SMC5: variants seen among roughly 807,000 people sequenced by gnomAD.
SMC5 encodes the protein structural maintenance of chromosomes protein 5.
Under a neutral mutation model 148.3 loss-of-function variants are expected in SMC5, and 88 were observed. The ratio of observed to expected loss-of-function variants is 0.59; its 90% CI spans 0.50 to 0.71. The LOEUF is 0.71. Among genes scored for constraint, SMC5 ranks in the 30% least tolerant of loss-of-function variants. SMC5 has a pLI of 0.00. For missense variants in SMC5, 1,142 were observed against 1,298.9 expected, an observed-to-expected ratio of 0.88 and a Z score of 1.86; for synonymous variants, 421 against 432.8, an observed-to-expected ratio of 0.97 and a Z score of 0.34.
intron 8 of SMC5, among the ~76,000 whole-genome samples, chr9:70,290,585 G>A (rs1280886645): frequency 9.2e-5 from 14 of 152,006 alleles, no homozygotes; most frequent in Admixed American, 7.2e-4. Context: ...TTACCTTTGC[G>A]GGTTCTCTTG....
In SMC5 at chr9:70,354,027, C is replaced by T. The variant is rs750547937; in HGVS notation, c.*1696C>T. On this transcript the variant is annotated 3_prime_UTR_variant, in exon 25 of 25. Coordinates refer to ENST00000361138, the MANE Select transcript of SMC5 (RefSeq NM_015110.4). ...TGTTTGAAAATAAAATGGTCAATTACATTTCAATTTACATAGGCCAACAAC... is the reference window on the plus strand; with the variant it reads ...TGTTTGAAAATAAAATGGTCAATTATATTTCAATTTACATAGGCCAACAAC... 6 of 152,206 alleles carry T rather than the reference C, an allele frequency of 3.9e-5. No homozygotes were observed. Among genetic ancestry groups the T allele is most frequent in the Non-Finnish European group, 5.9e-5 (4 of 68,034 alleles). The allele number at this position is 152,206 out of a possible 1,614,324, so 9.4% of individuals were successfully genotyped here.
intron 17 of SMC5, among the ~76,000 whole-genome samples, chr9:70,333,502 G>A (rs2036277489): frequency 6.6e-6 from 1 of 152,040 alleles, no homozygotes; most frequent in Admixed American, 6.5e-5. Context: ...AGGCCGAGGT[G>A]GCCAGATAAT....
At chr9:70,294,012 A>C (rs1049155089) in intron 8 of SMC5, among the ~76,000 whole-genome samples, 1 of 152,166 alleles carries the variant, frequency 6.6e-6, no homozygotes, top group Non-Finnish European at 1.5e-5. Flanking sequence ...ATTTCTCTGG[A>C]GTAGCCTTGG....
At chr9:70,289,393 A>G (rs373750370) in intron 8 of SMC5, among the ~76,000 whole-genome samples, 34 of 151,818 alleles carry the variant, frequency 2.2e-4, no homozygotes, top group African/African-American at 7.5e-4. Context: ...AGGTTTGTCT[A>G]TTTTTCCTTG....
At chr9:70,304,926 G>A (rs547463086) in intron 10 of SMC5, among the ~76,000 whole-genome samples, 2 of 152,082 alleles carry the variant, frequency 1.3e-5, no homozygotes, top group South Asian at 2.1e-4. Context: ...GATAAGAAAT[G>A]TTTACACTCA....
At chr9:70,267,721 ATAT>A (rs1366910706) in intron 2 of SMC5, among the ~76,000 whole-genome samples, 199 bp from the exon 3 acceptor site, 2 of 152,268 alleles carry the variant, frequency 1.3e-5, no homozygotes, top group African/African-American at 2.4e-5. Context: ...ATCTTACCTA[ATAT>A]TATTATTGTT....
At chr9:70,341,661 A>G (rs909648613) in intron 17 of SMC5, among the ~76,000 whole-genome samples, 6 of 152,228 alleles carry the variant, frequency 3.9e-5, no homozygotes, top group African/African-American at 9.7e-5. Flanking sequence ...ACCCATGTGC[A>G]TAAAAGTCAC....
intron 4 of SMC5, among the ~76,000 whole-genome samples, chr9:70,277,747 T>C (rs957692424): frequency 1.8e-4 from 28 of 152,056 alleles, no homozygotes; most frequent in Non-Finnish European, 3.8e-4. Context: ...TGTGCTTCTA[T>C]TTGTAGAACC....
intron 17 of SMC5, among the ~76,000 whole-genome samples, chr9:70,342,717 G>A (rs532275942): frequency 6.6e-6 from 1 of 152,294 alleles, no homozygotes; most frequent in East Asian, 1.9e-4. Context: ...ACCTACAGAA[G>A]ACATTTAGTA....
intron 17 of SMC5, among the ~76,000 whole-genome samples, chr9:70,331,966 A>T (rs1231996157): frequency 1.3e-5 from 2 of 152,166 alleles, no homozygotes; most frequent in African/African-American, 4.8e-5. Flanking sequence ...TGCACGTAGC[A>T]TGACAGAATA....
At position 70,300,340 on chromosome 9, in the gene SMC5, C is replaced by T. The variant is rs1156792610; in HGVS notation, c.1464+140C>T. 5 of 679,694 alleles carry T rather than the reference C, an allele frequency of 7.4e-6. No individual in the cohort carries two copies. In the East Asian group the frequency reaches 1.3e-4, roughly 18 times the overall value. The allele number at this position is 679,694 out of a possible 1,614,324, so 42.1% of individuals were successfully genotyped here. A position where few individuals can be genotyped will look rare whatever the true frequency, so the allele number is the denominator to read the frequency against. On this transcript the variant is annotated intron_variant, in intron 10 of 24. Coordinates refer to ENST00000361138, the MANE Select transcript of SMC5 (RefSeq NM_015110.4). ...CATCTGGCATACTGCTGAATCTATA[C>T]ATGAGCTTTTTAAAGGTCCCCTGAT...
intron 8 of SMC5, 69 bp from the exon 9 acceptor site, chr9:70,297,897 A>G (rs1050850268): frequency 1.3e-6 from 2 of 1,513,214 alleles, no homozygotes; most frequent in African/African-American, 1.4e-5. Context: ...TAAAAACTAT[A>G]TTACTACAGA....
intron 3 of SMC5, among the ~76,000 whole-genome samples, chr9:70,268,439 C>G (rs780189414): frequency 6.6e-6 from 1 of 151,416 alleles, no homozygotes; most frequent in Non-Finnish European, 1.5e-5. Flanking sequence ...GAGCTAGACT[C>G]TGCCCATGCC....
chr9:70,341,944 A>G (rs7848804), intron 17 of SMC5, among the ~76,000 whole-genome samples: 30,498 of 147,998 alleles, frequency 0.21, 3,248 homozygotes, highest in South Asian at 0.26. Flanking sequence ...GCACACGTAT[A>G]TTTATTGCGG....
chr9:70,314,948 G>A (rs1008672037), intron 12 of SMC5, 112 bp downstream of exon 12: 34 of 634,484 alleles, frequency 5.4e-5, no homozygotes, highest in Non-Finnish European at 7.3e-5. Flanking sequence ...CTCTTAAGTC[G>A]AATATAAGGA....
chr9:70,312,452 G>A (rs1247456710), intron 11 of SMC5, among the ~76,000 whole-genome samples: 2 of 152,140 alleles, frequency 1.3e-5, no homozygotes, highest in African/African-American at 4.8e-5. Flanking sequence ...TGAGATTTGG[G>A]TGGGAACACA....
At chr9:70,294,358 GTTTCT>G (rs1208020376) in intron 8 of SMC5, among the ~76,000 whole-genome samples, 1 of 152,100 alleles carries the variant, frequency 6.6e-6, no homozygotes, top group African/African-American at 2.4e-5. Context: ...GTTTTTGAGG[GTTTCT>G]TTCATTAGTT....
intron 11 of SMC5, 70 bp downstream of exon 11, chr9:70,305,430 A>C (rs1193186149): frequency 2.2e-6 from 2 of 889,462 alleles, no homozygotes; most frequent in Admixed American, 4.5e-5. Flanking sequence ...TTTTAAATTC[A>C]CTAGAGCAAA....
chr9:70,266,732 T>C (rs1433853516), intron 2 of SMC5, among the ~76,000 whole-genome samples: 2 of 152,228 alleles, frequency 1.3e-5, no homozygotes, highest in African/African-American at 4.8e-5. Flanking sequence ...TAAATGCTAA[T>C]ATAAAAATTT....
Sources: gnomAD v4.1 joint callset for allele counts (sites outside exome capture counted in the v4.1 genomes callset) on GRCh38, gnomAD v4.1.1 for gene constraint, MANE v1.5 for transcripts, NCBI Gene and HGNC (gene_info 2026-07-23, HGNC 2026-07-21) for gene names.